The following CCDC38 variants were observed in gnomAD, a reference collection of about 807,000 sequenced individuals.
CCDC38 encodes coiled-coil domain-containing protein 38.
A neutral mutation model predicts 72.8 loss-of-function variants in CCDC38; 69 were observed. The ratio of observed to expected loss-of-function variants is 0.95; its 90% CI spans 0.78 to 1.16. The LOEUF (loss-of-function observed/expected upper bound fraction) is 1.16. Ranked by LOEUF, CCDC38 falls within the 50% of genes most tolerant of loss-of-function variation. The pLI, the probability that CCDC38 is intolerant of heterozygous loss-of-function variation, is 0.00. For synonymous variants in CCDC38, 201 were observed against 213.2 expected, an observed-to-expected ratio of 0.94 and a Z score of 0.50; for missense variants, 626 against 638.9, an observed-to-expected ratio of 0.98 and a Z score of 0.22.
At chr12:95,920,614 T>C (rs996795018) in intron 2 of CCDC38, among the ~76,000 whole-genome samples, 3 of 152,080 alleles carry the variant, frequency 2.0e-5, no homozygotes, top group African/African-American at 7.3e-5. Context: ...GACCACACAT[T>C]ATATGATTCC....
chr12:95,919,894 A>C (rs1382469961), intron 2 of CCDC38, among the ~76,000 whole-genome samples: 1 of 152,232 alleles, frequency 6.6e-6, no homozygotes, highest in Non-Finnish European at 1.5e-5. Flanking sequence ...AGGAATGTTT[A>C]AGTGGGGCAG....
At chr12:95,917,952 A>T (rs771123506) in intron 3 of CCDC38, among the ~76,000 whole-genome samples, 2 of 152,010 alleles carry the variant, frequency 1.3e-5, no homozygotes, top group Non-Finnish European at 2.9e-5. Context: ...GTAGATATTT[A>T]AAAATTAGGC....
At chr12:95,940,325 A>C (rs1009200455) in intron 1 of CCDC38, among the ~76,000 whole-genome samples, 1 of 152,198 alleles carries the variant, frequency 6.6e-6, no homozygotes, top group Admixed American at 6.5e-5. Context: ...CTCCAGGGGA[A>C]GTGGGGAAAG....
At position 95,869,558 on chromosome 12, in the gene CCDC38, T is replaced by C. The variant is rs1412549093; in HGVS notation, c.1500A>G (p.Lys500=). 1 of 1,613,308 alleles carries C rather than the reference T, an allele frequency of 6.2e-7. No individual in the cohort carries two copies. The highest frequency in any genetic ancestry group is 8.5e-7 in the Non-Finnish European group (1 of 1,179,742). ...GTTGGTGTCTTTGTTTTTCTTTCAT[T>C]TTCTCATCACGAAACCTGTCACAAG... ...KEWRQKFRDE[K]MKEKQRHQQE... The change falls in exon 15 of 16, where the codon AAA becomes AAG. Residue 500 remains lysine (K), a synonymous_variant. Coordinates refer to ENST00000344280, the MANE Select transcript of CCDC38 (RefSeq NM_182496.3).
At chr12:95,918,480 CTGAGA>C (rs532191415) in intron 3 of CCDC38, among the ~76,000 whole-genome samples, 220 of 152,304 alleles carry the variant, frequency 1.4e-3, no homozygotes, top group African/African-American at 5.2e-3. Context: ...TTCCTCCACT[CTGAGA>C]TGCCACTTAT....
intron 14 of CCDC38, among the ~76,000 whole-genome samples, chr12:95,869,989 A>G (rs774780791): frequency 2.3e-4 from 35 of 152,044 alleles, no homozygotes; most frequent in Admixed American, 4.6e-4. Flanking sequence ...ACACCCGGCT[A>G]ATTTTTGTAT....
intron 3 of CCDC38, among the ~76,000 whole-genome samples, chr12:95,917,931 G>A (rs2080164024): frequency 6.6e-6 from 1 of 151,418 alleles, no homozygotes; most frequent in African/African-American, 2.4e-5. Context: ...GAGAGGAAAG[G>A]GATCTCCCCA....
At chr12:95,876,639 G>A (rs903931721) in intron 13 of CCDC38, among the ~76,000 whole-genome samples, 10 of 152,010 alleles carry the variant, frequency 6.6e-5, no homozygotes, top group African/African-American at 1.9e-4. Context: ...TCTTGGCCCC[G>A]GCAATGCACA....
At chr12:95,941,852 G>A (rs2080454670) in intron 1 of CCDC38, among the ~76,000 whole-genome samples, 1 of 147,686 alleles carries the variant, frequency 6.8e-6, no homozygotes, top group African/African-American at 2.5e-5. Context: ...ATCTTCTGAT[G>A]CCCCCTCCCC....
chr12:95,907,667 G>T (rs1329936104), intron 4 of CCDC38, among the ~76,000 whole-genome samples: 4 of 142,756 alleles, frequency 2.8e-5, no homozygotes, highest in Non-Finnish European at 4.6e-5. Context: ...GGGCAGAGGG[G>T]CTCCTCACTT....
chr12:95,917,304 T>C lies in CCDC38; in HGVS notation c.139-10A>G. 1 of 1,578,566 alleles carries C rather than the reference T, an allele frequency of 6.3e-7. No homozygotes were observed. The highest frequency in any genetic ancestry group is 8.5e-7 in the Non-Finnish European group (1 of 1,171,136). ...GGTTCATAAATTTTTCCTGCCCAAG[T>C]GGAAAAGTTGAAAAGAATTTTTAAT... On this transcript the variant is annotated splice_polypyrimidine_tract_variant and intron_variant, in intron 3 of 15. Transcript: ENST00000344280.
chr12:95,928,671 T>G (rs1018160525), intron 2 of CCDC38, among the ~76,000 whole-genome samples: 2 of 152,246 alleles, frequency 1.3e-5, no homozygotes, highest in African/African-American at 4.8e-5. Flanking sequence ...TTTGTGGTTG[T>G]ATCTACTTTT....
intron 5 of CCDC38, among the ~76,000 whole-genome samples, chr12:95,905,989 CCCA>C (rs2079996862): frequency 6.6e-6 from 1 of 152,244 alleles, no homozygotes; most frequent in African/African-American, 2.4e-5. Flanking sequence ...TGCTTGGATT[CCCA>C]CCATCTTCAG....
At chr12:95,904,927 A>AT (rs991735097) in intron 5 of CCDC38, among the ~76,000 whole-genome samples, 7 of 152,192 alleles carry the variant, frequency 4.6e-5, no homozygotes, top group Admixed American at 6.5e-5. Context: ...ACAAGGCCAG[A>AT]TTTTTTACTA....
At position 95,898,382 on chromosome 12, in the gene CCDC38, C is replaced by T. The variant is rs111556648; in HGVS notation, c.614+3G>A. On this transcript the variant is annotated splice_donor_region_variant and intron_variant, in intron 7 of 15. Coordinates refer to ENST00000344280, the MANE Select transcript of CCDC38 (RefSeq NM_182496.3). ...GCCACGAGAAGATTGTGCCCACCCT[C>T]ACCTTTTCACTGCTTGTACCTCCAT... is the stretch of plus-strand genomic sequence containing the variant. The T allele has an allele frequency of 1.2e-5, 20 of 1,614,072 alleles. No homozygotes were observed. The highest frequency in any genetic ancestry group is 1.7e-5 in the Non-Finnish European group (20 of 1,180,020).
intron 5 of CCDC38, among the ~76,000 whole-genome samples, chr12:95,900,631 T>C (rs1056418288): frequency 2.0e-5 from 3 of 152,204 alleles, no homozygotes; most frequent in Admixed American, 2.0e-4. Flanking sequence ...AGTCTGCTCA[T>C]AATGGTTACA....
chr12:95,902,794 C>T (rs1009939186), intron 5 of CCDC38, among the ~76,000 whole-genome samples: 1 of 152,124 alleles, frequency 6.6e-6, no homozygotes, highest in Non-Finnish European at 1.5e-5. Flanking sequence ...AACTATGAAA[C>T]TGCAGCAGAC....
intron 5 of CCDC38, among the ~76,000 whole-genome samples, chr12:95,905,208 G>T (rs2079988936): frequency 6.6e-6 from 1 of 151,702 alleles, no homozygotes; most frequent in African/African-American, 2.4e-5. Flanking sequence ...GAATATTTTT[G>T]ATCTGCAGTT....
At chr12:95,867,647 A>C (rs2079536041) in intron 15 of CCDC38, among the ~76,000 whole-genome samples, 1 of 152,176 alleles carries the variant, frequency 6.6e-6, no homozygotes, top group African/African-American at 2.4e-5. Context: ...TACCATCTTG[A>C]ATACTGGTTG....
Sources: allele counts gnomAD v4.1 joint callset (sites outside exome capture counted in the v4.1 genomes callset), GRCh38; gene constraint gnomAD v4.1.1; transcripts MANE v1.5; gene names NCBI Gene and HGNC (gene_info 2026-07-23, HGNC 2026-07-21).